The following PPARGC1B variants were observed in gnomAD, a reference collection of about 807,000 sequenced individuals.
PPARGC1B encodes the protein peroxisome proliferator-activated receptor gamma coactivator 1-beta.
Under a neutral mutation model 101.6 loss-of-function variants are expected in PPARGC1B, and 34 were observed. The ratio of observed to expected loss-of-function variants is 0.33; its 90% CI spans 0.25 to 0.45. The LOEUF (loss-of-function observed/expected upper bound fraction) is 0.45. Among genes scored for constraint, PPARGC1B ranks in the 20% least tolerant of loss-of-function variants. The pLI is 1.00. For missense variants in PPARGC1B, 1,234 were observed against 1,317.6 expected (o/e 0.94, Z 0.98); for synonymous variants, 548 against 539.3 (o/e 1.02, Z -0.22).
chr5:149,841,376 ACAT>A (rs1759327942), intron 9 of PPARGC1B, among the ~76,000 whole-genome samples: 1 of 152,106 alleles, frequency 6.6e-6, no homozygotes, highest in Non-Finnish European at 1.5e-5. Flanking sequence ...CTGAGCTTGG[ACAT>A]CGTATGTTGT....
chr5:149,752,034 G>C lies in PPARGC1B; in HGVS notation c.78+21614G>C, dbSNP rs1487576636. On this transcript the variant is annotated intron_variant, in intron 1 of 11. Coordinates refer to ENST00000309241, the MANE Select transcript of PPARGC1B (RefSeq NM_133263.4). ...TTGTAGAGTCATAAACAGATGTAAG[G>C]CTATGTTGCTACTTCCCTGTGCATG... Among the ~76,000 whole-genome samples, 5 of 152,266 alleles carry C rather than the reference G, an allele frequency of 3.3e-5. No homozygotes were observed. The East Asian group carries it at 9.6e-4, about 29-fold the overall frequency.
At chr5:149,740,553 A>T (rs1754874126) in intron 1 of PPARGC1B, among the ~76,000 whole-genome samples, 2 of 152,142 alleles carry the variant, frequency 1.3e-5, no homozygotes, top group South Asian at 4.1e-4. Flanking sequence ...TTAGGAAACC[A>T]CTTCTAGTGA....
intron 3 of PPARGC1B, 139 bp downstream of exon 3, chr5:149,827,024 G>A: frequency 1.4e-6 from 1 of 712,262 alleles, no homozygotes; most frequent in Non-Finnish European, 2.4e-6. Flanking sequence ...ACAGCAGAGA[G>A]CGTGGGCCGA....
intron 1 of PPARGC1B, among the ~76,000 whole-genome samples, chr5:149,772,563 C>T (rs1298349136): frequency 6.6e-6 from 1 of 152,132 alleles, no homozygotes; most frequent in Non-Finnish European, 1.5e-5. Flanking sequence ...AGGCCTCTCT[C>T]CTTGGCTTGT....
At position 149,853,228 on chromosome 5, in the gene PPARGC1B, A is replaced by G. The variant is rs1302838059; in HGVS notation, c.*5670A>G. ...CTAGTGGCCAAAGGTTGTCTCCACC[A>G]GCTACCCAGATGGAAGGCAAATAAA... is the stretch of plus-strand genomic sequence containing the variant. On this transcript the variant is annotated 3_prime_UTR_variant, in exon 12 of 12. Transcript: ENST00000309241. This position sits in a 1 kb window ranked among gnomAD's most constrained non-coding sequence, Gnocchi z 4.2. The G allele has an allele frequency of 6.6e-6, 1 of 152,218 alleles. No homozygotes were observed. The highest frequency in any genetic ancestry group is 1.5e-5 in the Non-Finnish European group (1 of 68,050). The allele number at this position is 152,218 out of a possible 1,614,324, so 9.4% of individuals were successfully genotyped here. A position where few individuals can be genotyped will look rare whatever the true frequency, so the allele number is the denominator to read the frequency against.
In PPARGC1B at chr5:149,730,888, C is replaced by T. The variant is rs182884033; in HGVS notation, c.78+468C>T. Among the ~76,000 whole-genome samples, 1 of 152,346 alleles carries T rather than the reference C, an allele frequency of 6.6e-6. No homozygotes were observed. Among genetic ancestry groups the T allele is most frequent in the East Asian group, 1.9e-4 (1 of 5,174 alleles). ...CCCTAGTCCTCCAGGCTGTAGTCCC[C>T]AGAGTGCTGTTGCTGGCCCCCCGCG... On this transcript the variant is annotated intron_variant, in intron 1 of 11. Coordinates refer to ENST00000309241, the MANE Select transcript of PPARGC1B (RefSeq NM_133263.4). This position sits in a 1 kb window ranked among gnomAD's most constrained non-coding sequence, Gnocchi z 4.0.
chr5:149,734,300 CAAA>C (rs1280849295), intron 1 of PPARGC1B, among the ~76,000 whole-genome samples: 5 of 65,376 alleles, frequency 7.6e-5, no homozygotes, highest in Non-Finnish European at 1.3e-4. Flanking sequence ...CTAGCCTGGA[CAAA>C]AGAGCGAAAC....
chr5:149,805,276 G>A (rs557154605), intron 1 of PPARGC1B, among the ~76,000 whole-genome samples: 1 of 152,302 alleles, frequency 6.6e-6, no homozygotes, highest in Admixed American at 6.5e-5. Flanking sequence ...TTAGTCTGGG[G>A]TTTGGGTCAA....
intron 4 of PPARGC1B, 33 bp downstream of exon 4, chr5:149,830,916 G>T: frequency 6.9e-7 from 1 of 1,441,712 alleles, no homozygotes; most frequent in Non-Finnish European, 9.8e-7. Context: ...ATCTACCCCA[G>T]GTGTCTGTTG....
At chr5:149,750,396 AT>A (rs891622403) in intron 1 of PPARGC1B, among the ~76,000 whole-genome samples, 2 of 149,608 alleles carry the variant, frequency 1.3e-5, no homozygotes, top group African/African-American at 2.5e-5. Context: ...ACCTTGAATC[AT>A]TTTTTAAAAT....
intron 3 of PPARGC1B, among the ~76,000 whole-genome samples, chr5:149,829,132 C>G (rs1370361851): frequency 1.3e-5 from 2 of 152,208 alleles, no homozygotes; most frequent in East Asian, 3.9e-4. Flanking sequence ...CCCAGAGAGT[C>G]CAGCGATGGA....
intron 1 of PPARGC1B, among the ~76,000 whole-genome samples, chr5:149,794,991 C>T (rs983587045): frequency 1.9e-4 from 29 of 152,276 alleles, no homozygotes; most frequent in Non-Finnish European, 3.2e-4. Flanking sequence ...TGGGGACACA[C>T]GAGACATCTT....
chr5:149,781,603 G>A (rs555365422), intron 1 of PPARGC1B, among the ~76,000 whole-genome samples: 5 of 152,196 alleles, frequency 3.3e-5, no homozygotes, highest in Non-Finnish European at 7.3e-5. Context: ...TCATGCTGCC[G>A]TTTGAGTGGC....
At chr5:149,794,740 A>G (rs1456049617) in intron 1 of PPARGC1B, among the ~76,000 whole-genome samples, 1 of 152,222 alleles carries the variant, frequency 6.6e-6, no homozygotes, top group Non-Finnish European at 1.5e-5. Context: ...AACAGGACTA[A>G]AATGGTAACA....
At chr5:149,756,201 C>T (rs574744338) in intron 1 of PPARGC1B, among the ~76,000 whole-genome samples, 112 of 152,218 alleles carry the variant, frequency 7.4e-4, no homozygotes, top group African/African-American at 2.6e-3. Flanking sequence ...GAGGCTCACA[C>T]CTGTAATGCC....
intron 10 of PPARGC1B, among the ~76,000 whole-genome samples, chr5:149,842,806 A>G (rs972601049): frequency 2.0e-5 from 3 of 152,300 alleles, no homozygotes; most frequent in African/African-American, 7.2e-5. Context: ...GAAGACTTGC[A>G]CTGGGACTCC....
At chr5:149,798,978 C>T (rs113424025) in intron 1 of PPARGC1B, among the ~76,000 whole-genome samples, 2,246 of 152,198 alleles carry the variant, frequency 0.015, 49 homozygotes, top group African/African-American at 0.05. Flanking sequence ...AAGGCAGAGA[C>T]CTCCTTGCTG....
chr5:149,734,151 G>C (rs10050761), intron 1 of PPARGC1B, among the ~76,000 whole-genome samples: 51,931 of 151,388 alleles, frequency 0.34, 9,423 homozygotes, highest in South Asian at 0.44. Context: ...GTGAAATCCT[G>C]TCTCTACTAA....
downstream of PPARGC1B, among the ~76,000 whole-genome samples, chr5:149,857,671 G>A (rs1759991534): frequency 6.6e-6 from 1 of 152,202 alleles, no homozygotes; most frequent in Admixed American, 6.5e-5. Context: ...TGCGTCAGGA[G>A]CCCAGATTGA....
Sources: allele counts gnomAD v4.1 joint callset (sites outside exome capture counted in the v4.1 genomes callset), GRCh38; gene constraint gnomAD v4.1.1; non-coding constraint Gnocchi (gnomAD v3.1); transcripts MANE v1.5; gene names NCBI Gene and HGNC (gene_info 2026-07-23, HGNC 2026-07-21).